RSBN1L: variants seen among roughly 807,000 people sequenced by gnomAD.
The protein encoded by RSBN1L is round spermatid basic protein 1 like.
A neutral mutation model predicts 67.7 loss-of-function variants in RSBN1L; 30 were observed. The observed-to-expected ratio is 0.44, with a 90% confidence interval of 0.33 to 0.60. The LOEUF is 0.60. RSBN1L is among the 20% of genes least tolerant of loss of function. The pLI, the probability that RSBN1L is intolerant of heterozygous loss-of-function variation, is 0.02. For missense variants in RSBN1L, 992 were observed against 1,031.7 expected, an observed-to-expected ratio of 0.96 and a Z score of 0.53; for synonymous variants, 433 against 387.0, an observed-to-expected ratio of 1.12 and a Z score of -1.39.
At chr7:77,708,572 C>T (rs1199764139) in intron 1 of RSBN1L, among the ~76,000 whole-genome samples, 1 of 151,462 alleles carries the variant, frequency 6.6e-6, no homozygotes, top group Non-Finnish European at 1.5e-5. Flanking sequence ...TTAGTAGAGA[C>T]GGGGTTTCAC....
intron 1 of RSBN1L, among the ~76,000 whole-genome samples, chr7:77,718,402 C>T (rs1188655227): frequency 1.3e-5 from 2 of 152,110 alleles, no homozygotes; most frequent in Non-Finnish European, 2.9e-5. Flanking sequence ...TTGATCCTCC[C>T]ACCTCAGTCT....
At chr7:77,734,875 G>A (rs1233579571) in intron 1 of RSBN1L, among the ~76,000 whole-genome samples, 1 of 152,108 alleles carries the variant, frequency 6.6e-6, no homozygotes, top group African/African-American at 2.4e-5. Context: ...AAACCAATCA[G>A]AAGTGTGGGA....
chr7:77,779,002 A>T lies in RSBN1L; in HGVS notation c.2375A>T (p.His792Leu). The T allele has an allele frequency of 6.2e-7, 1 of 1,614,044 alleles. No individual in the cohort carries two copies. The highest frequency in any genetic ancestry group is 1.1e-5 in the South Asian group (1 of 91,080). The change falls in exon 8 of 8, where the codon CAT (histidine) becomes CTT (leucine). Residue 792 changes from histidine (H) to leucine (L), a missense_variant. By Grantham distance (99) the His-to-Leu change is moderately conservative. Transcript: ENST00000334955. ...DGKNVKAKLDHVQFAEFKIDM... is the reference protein window; with the variant it reads ...DGKNVKAKLDLVQFAEFKIDM... The stretch of plus-strand genomic sequence containing the variant: ...AAGAATGTTAAAGCAAAATTGGATC[A>T]TGTTCAATTTGCAGAATTTAAGATT...
In RSBN1L at chr7:77,718,259, TTTTTC is replaced by T. The variant is rs567573236; in HGVS notation, c.587-18146_587-18142del. 6.6e-3 allele frequency among the ~76,000 whole-genome samples: 1,003 copies of T among 152,300 alleles called. 3 individuals carry two copies. Among genetic ancestry groups the T allele is most frequent in the Non-Finnish European group, 8.6e-3 (588 of 68,022 alleles). ...AGCTCTGACATTATATATTAAGCCT[TTTTTC>T]TTTTAGCCCTTCACTTCTTGATTTT... On this transcript the variant is annotated intron_variant, in intron 1 of 7. Coordinates refer to ENST00000334955, the MANE Select transcript of RSBN1L (RefSeq NM_198467.3).
chr7:77,707,687 A>G (rs1790913819), intron 1 of RSBN1L, among the ~76,000 whole-genome samples: 1 of 152,220 alleles, frequency 6.6e-6, no homozygotes, highest in Non-Finnish European at 1.5e-5. Flanking sequence ...GATAATAATG[A>G]AAGTACCAAA....
intron 1 of RSBN1L, among the ~76,000 whole-genome samples, chr7:77,716,624 C>CTTTTTT (rs61611975): frequency 2.7e-5 from 2 of 75,330 alleles, no homozygotes; most frequent in African/African-American, 1.0e-4. Context: ...GTATCTTCAT[C>CTTTTTT]TTTTTTTTTT....
intron 3 of RSBN1L, among the ~76,000 whole-genome samples, chr7:77,752,887 C>G (rs1232241707): frequency 6.6e-6 from 1 of 152,126 alleles, no homozygotes; most frequent in Non-Finnish European, 1.5e-5. Flanking sequence ...TCTTTTTGAA[C>G]TTAGGTGGAA....
chr7:77,755,186 C>CTTAAT, intron 3 of RSBN1L, among the ~76,000 whole-genome samples: 1 of 152,118 alleles, frequency 6.6e-6, no homozygotes, highest in Non-Finnish European at 1.5e-5. Context: ...TAATATAAAC[C>CTTAAT]ACAGCAAAAA....
At position 77,765,607 on chromosome 7, in the gene RSBN1L, T is replaced by A; in HGVS notation, c.1457T>A (p.Met486Lys). 2 of 1,606,842 alleles carry A rather than the reference T, an allele frequency of 1.2e-6. No homozygotes were observed. Among genetic ancestry groups the A allele is most frequent in the Non-Finnish European group, 1.7e-6 (2 of 1,176,240 alleles). ...GATTATTTCCCTGAGTTCCTTGACA[T>A]GTTGGAAGAGTCACCATTTTTAAAA... is the stretch of plus-strand genomic sequence containing the variant. ...VGDYFPEFLD[M>K]LEESPFLKCT... The change falls in exon 4 of 8, where the codon ATG becomes AAG. Residue 486 changes from methionine (M) to lysine (K), a missense_variant. Transcript: ENST00000334955.
chr7:77,771,578 C>T (rs968804428), intron 5 of RSBN1L, among the ~76,000 whole-genome samples: 9 of 148,410 alleles, frequency 6.1e-5, no homozygotes, highest in African/African-American at 1.3e-4. Context: ...GGCACAATCT[C>T]GGCTCACTGC....
chr7:77,734,418 G>A (rs954910375), intron 1 of RSBN1L, among the ~76,000 whole-genome samples: 2 of 151,950 alleles, frequency 1.3e-5, no homozygotes, highest in Non-Finnish European at 2.9e-5. Context: ...TATATAAATA[G>A]TTCATTTTGT....
intron 3 of RSBN1L, among the ~76,000 whole-genome samples, chr7:77,755,904 T>C (rs575389259): frequency 6.6e-6 from 1 of 152,290 alleles, no homozygotes; most frequent in South Asian, 2.1e-4. Context: ...GAGATGATAA[T>C]GCTTTCTACA....
At chr7:77,774,860 A>C (rs895710565) in intron 6 of RSBN1L, among the ~76,000 whole-genome samples, 5 of 152,122 alleles carry the variant, frequency 3.3e-5, no homozygotes, top group African/African-American at 1.2e-4. Context: ...AGAGCCATTA[A>C]AAATTTTTTT....
chr7:77,707,574 A>G (rs190870786), intron 1 of RSBN1L, among the ~76,000 whole-genome samples: 7 of 152,284 alleles, frequency 4.6e-5, no homozygotes, highest in African/African-American at 1.7e-4. Context: ...CATTGGAGCA[A>G]TGTATAGAAA....
intron 3 of RSBN1L, among the ~76,000 whole-genome samples, chr7:77,752,788 A>G (rs570815065): frequency 6.6e-6 from 1 of 152,336 alleles, no homozygotes; most frequent in Admixed American, 6.5e-5. Context: ...CTTCTTTATC[A>G]GTACTGTGCC....
At chr7:77,717,724 A>C (rs1185470258) in intron 1 of RSBN1L, among the ~76,000 whole-genome samples, 1 of 152,202 alleles carries the variant, frequency 6.6e-6, no homozygotes, top group African/African-American at 2.4e-5. Flanking sequence ...GGCAGTTAAG[A>C]AAGGGACAAG....
At chr7:77,709,609 G>T (rs1790946509) in intron 1 of RSBN1L, among the ~76,000 whole-genome samples, 1 of 151,952 alleles carries the variant, frequency 6.6e-6, no homozygotes, top group Admixed American at 6.6e-5. Context: ...TTTTTTTTAT[G>T]AGGAGCAAAT....
chr7:77,700,676 AATTTACTATG>A (rs1456716583), intron 1 of RSBN1L, among the ~76,000 whole-genome samples: 1 of 152,176 alleles, frequency 6.6e-6, no homozygotes, highest in Non-Finnish European at 1.5e-5. Context: ...CTGAGGGAAT[AATTTACTATG>A]ATTTTATTTT....
At position 77,778,670 on chromosome 7, in the gene RSBN1L, A is replaced by G. The variant is rs748946165; in HGVS notation, c.2043A>G (p.Val681=). The G allele has an allele frequency of 6.2e-7, 1 of 1,614,112 alleles. No homozygotes were observed. ...VVHQFKTVSA[V]CSLAWHIRLK... ...ATCAGTTCAAGACAGTTTCAGCTGT[A>G]TGCAGTTTAGCATGGCATATTCGGC... The change falls in exon 8 of 8, where the codon GTA becomes GTG. Residue 681 remains valine (V), a synonymous_variant. Transcript: ENST00000334955.
Sources: gnomAD v4.1 joint callset for allele counts (sites outside exome capture counted in the v4.1 genomes callset) on GRCh38, gnomAD v4.1.1 for gene constraint, MANE v1.5 for transcripts, NCBI Gene and HGNC (gene_info 2026-07-23, HGNC 2026-07-21) for gene names.